Variants in CACNA2D1 observed in about 807,000 individuals in gnomAD.
CACNA2D1 encodes the protein voltage-dependent calcium channel subunit alpha-2/delta-1.
Under a neutral mutation model 171.5 loss-of-function variants are expected in CACNA2D1, and 53 were observed. The observed-to-expected ratio is 0.31, with a 90% CI of 0.25 to 0.39. The LOEUF (loss-of-function observed/expected upper bound fraction) is 0.39, where lower values mean the gene tolerates loss of function less well. Ranked by LOEUF, CACNA2D1 falls within the 10% of genes least tolerant of loss-of-function variation. CACNA2D1 has a pLI of 1.00. For synonymous variants in CACNA2D1, 442 were observed against 443.1 expected, an observed-to-expected ratio of 1.00 and a Z score of 0.03; for missense variants, 903 against 1,299.8, an observed-to-expected ratio of 0.69 and a Z score of 4.69.
At chr7:82,250,311 C>G (rs1157727302) in intron 3 of CACNA2D1, among the ~76,000 whole-genome samples, 1 of 152,226 alleles carries the variant, frequency 6.6e-6, no homozygotes, top group Non-Finnish European at 1.5e-5. Flanking sequence ...TACTGCTCTT[C>G]TGCAATTCTC....
chr7:82,242,043 TAAGAAGGATAAAATATATCCTCA>T (rs1804367517), intron 3 of CACNA2D1, among the ~76,000 whole-genome samples: 1 of 152,186 alleles, frequency 6.6e-6, no homozygotes, highest in Admixed American at 6.6e-5. Context: ...TTCACTCGCA[TAAGAAGGATAAAATATATCCTCA>T]AAAGAATGCT....
chr7:82,421,096 A>G (rs1828676836), intron 1 of CACNA2D1, among the ~76,000 whole-genome samples: 1 of 152,202 alleles, frequency 6.6e-6, no homozygotes, highest in African/African-American at 2.4e-5. Flanking sequence ...GCTTATCAGA[A>G]CTACTTTATT....
intron 3 of CACNA2D1, among the ~76,000 whole-genome samples, chr7:82,192,465 TG>T (rs1563182456): frequency 0.011 from 18 of 1,678 alleles, no homozygotes; most frequent in Non-Finnish European, 0.037. Flanking sequence ...TGTGTTTGTG[TG>T]TGTGTGTGTG....
chr7:82,171,206 A>G (rs1324474978), intron 3 of CACNA2D1, among the ~76,000 whole-genome samples: 2 of 152,096 alleles, frequency 1.3e-5, no homozygotes, highest in East Asian at 3.9e-4. Context: ...AAAGTAGTTA[A>G]GAATTATAAG....
rs375798395 is a variant in CACNA2D1, at chr7:82,173,738, G to C, written c.295-3129C>G. 1.3e-4 allele frequency among the ~76,000 whole-genome samples: 20 copies of C among 151,902 alleles called. No individual in the cohort carries two copies. In the East Asian group the frequency reaches 3.7e-3, roughly 28 times the overall value. Reference sequence around the variant, plus strand: ...AATGAGCTACCATTAAATGGCACCGGTGAATTGTGTTAAGGCTGTCAAAGG... The same window carrying C: ...AATGAGCTACCATTAAATGGCACCGCTGAATTGTGTTAAGGCTGTCAAAGG... On this transcript the variant is annotated intron_variant, in intron 3 of 38. Coordinates refer to ENST00000356860, the MANE Select transcript of CACNA2D1 (RefSeq NM_000722.4).
At chr7:82,025,806 A>G (rs1801821343) in intron 12 of CACNA2D1, among the ~76,000 whole-genome samples, 1 of 151,690 alleles carries the variant, frequency 6.6e-6, no homozygotes, top group African/African-American at 2.4e-5. Flanking sequence ...CTATTTGGTT[A>G]TAGTGTTGTT....
At chr7:82,252,663 G>A (rs200188203) in intron 3 of CACNA2D1, among the ~76,000 whole-genome samples, 12 of 152,208 alleles carry the variant, frequency 7.9e-5, no homozygotes, top group African/African-American at 1.9e-4. Context: ...AGGCCAAGGC[G>A]GGCAGATCAT....
chr7:82,428,187 G>A (rs1014696722), intron 1 of CACNA2D1, among the ~76,000 whole-genome samples: 1 of 151,952 alleles, frequency 6.6e-6, no homozygotes, highest in Admixed American at 6.6e-5. Context: ...TTACTTGATA[G>A]TCACATACAA....
intron 3 of CACNA2D1, among the ~76,000 whole-genome samples, chr7:82,272,886 A>G (rs1423103083): frequency 1.3e-5 from 2 of 152,068 alleles, no homozygotes; most frequent in East Asian, 1.9e-4. Context: ...CCTGAGAAAG[A>G]CTCATTCAGG....
intron 2 of CACNA2D1, among the ~76,000 whole-genome samples, chr7:82,338,054 T>C (rs1818208667): frequency 1.3e-5 from 2 of 152,210 alleles, no homozygotes; most frequent in Non-Finnish European, 2.9e-5. Context: ...AATTAACATA[T>C]GTTAATTATG....
intron 3 of CACNA2D1, among the ~76,000 whole-genome samples, chr7:82,282,443 G>C (rs1044599415): frequency 6.6e-6 from 1 of 152,168 alleles, no homozygotes; most frequent in Admixed American, 6.6e-5. Flanking sequence ...AAATCTATGT[G>C]AAAGTTGTAA....
chr7:82,056,605 C>A (rs1805937887), intron 10 of CACNA2D1, among the ~76,000 whole-genome samples: 1 of 152,096 alleles, frequency 6.6e-6, no homozygotes, highest in Non-Finnish European at 1.5e-5. Context: ...GCAACTACTG[C>A]CACTGGTAAA....
intron 3 of CACNA2D1, among the ~76,000 whole-genome samples, chr7:82,300,590 T>A (rs1359430358): frequency 2.6e-5 from 4 of 152,138 alleles, no homozygotes; most frequent in Non-Finnish European, 5.9e-5. Flanking sequence ...AGTAATTATT[T>A]CTAACTCCTA....
intron 4 of CACNA2D1, among the ~76,000 whole-genome samples, chr7:82,154,328 G>A (rs980215536): frequency 3.9e-5 from 6 of 152,052 alleles, no homozygotes; most frequent in African/African-American, 7.2e-5. Flanking sequence ...AGTTTTGTAC[G>A]TGTACAGAGA....
At chr7:82,289,252 A>G (rs1811223460) in intron 3 of CACNA2D1, among the ~76,000 whole-genome samples, 1 of 152,214 alleles carries the variant, frequency 6.6e-6, no homozygotes, top group Non-Finnish European at 1.5e-5. Flanking sequence ...AGAATCAAGT[A>G]TCCAACATAT....
At chr7:82,291,400 ACTAGATATATAATAT>A (rs954270465) in intron 3 of CACNA2D1, among the ~76,000 whole-genome samples, 3 of 134,176 alleles carry the variant, frequency 2.2e-5, no homozygotes, top group Admixed American at 7.9e-5. Flanking sequence ...CTACATCTAC[ACTAGATATATAATAT>A]CTAGATATAT....
chr7:82,183,381 A>G (rs1797346118), intron 3 of CACNA2D1, among the ~76,000 whole-genome samples: 1 of 152,184 alleles, frequency 6.6e-6, no homozygotes, highest in Non-Finnish European at 1.5e-5. Context: ...GTACTGTCCC[A>G]ATAATACATG....
intron 4 of CACNA2D1, among the ~76,000 whole-genome samples, chr7:82,148,838 T>C (rs1563120352): frequency 6.6e-6 from 1 of 152,134 alleles, no homozygotes; most frequent in South Asian, 2.1e-4. Context: ...GGTTTCACCA[T>C]GTTGGCCAGG....
At chr7:82,292,845 T>A (rs1257763724) in intron 3 of CACNA2D1, among the ~76,000 whole-genome samples, 1 of 152,092 alleles carries the variant, frequency 6.6e-6, no homozygotes, top group East Asian at 1.9e-4. Context: ...TATATGAATA[T>A]ATGAGTAAGC....
Sources: gnomAD v4.1 joint callset for allele counts (sites outside exome capture counted in the v4.1 genomes callset) on GRCh38, gnomAD v4.1.1 for gene constraint, MANE v1.5 for transcripts, NCBI Gene and HGNC (gene_info 2026-07-23, HGNC 2026-07-21) for gene names.